The following FAM149B1 variants were observed in gnomAD, a reference collection of about 807,000 sequenced individuals.
FAM149B1 encodes family with sequence similarity 149 member B1.
A neutral mutation model predicts 75.3 loss-of-function variants in FAM149B1; 56 were observed. The ratio of observed to expected loss-of-function variants is 0.74; its 90% CI spans 0.60 to 0.93. The LOEUF (loss-of-function observed/expected upper bound fraction) is 0.93. FAM149B1 is among the 40% of genes least tolerant of loss of function. The pLI, the probability that FAM149B1 is intolerant of heterozygous loss-of-function variation, is 0.00. For synonymous variants in FAM149B1, 259 were observed against 256.1 expected, an observed-to-expected ratio of 1.01 and a Z score of -0.11; for missense variants, 639 against 708.4, an observed-to-expected ratio of 0.90 and a Z score of 1.11.
intron 1 of FAM149B1, among the ~76,000 whole-genome samples, chr10:73,173,705 C>A (rs938046741): frequency 1.3e-5 from 2 of 152,182 alleles, no homozygotes; most frequent in African/African-American, 4.8e-5. Flanking sequence ...ACATAGTCAA[C>A]ACAAAAATAG....
chr10:73,213,927 A>C (rs956694140), intron 7 of FAM149B1, among the ~76,000 whole-genome samples: 6 of 152,182 alleles, frequency 3.9e-5, no homozygotes, highest in African/African-American at 1.4e-4. Context: ...TCATTTTAAC[A>C]ATATGGATTC....
intron 2 of FAM149B1, among the ~76,000 whole-genome samples, chr10:73,177,285 T>C (rs575614302): frequency 4.5e-4 from 69 of 152,024 alleles, no homozygotes; most frequent in African/African-American, 1.6e-3. Flanking sequence ...GTCAAGAGTA[T>C]GTTATAGGCT....
intron 3 of FAM149B1, among the ~76,000 whole-genome samples, chr10:73,187,420 A>G (rs1214401340): frequency 6.6e-6 from 1 of 151,576 alleles, no homozygotes; most frequent in Admixed American, 6.6e-5. Context: ...AAAAAATTGA[A>G]ACAGAAATAG....
chr10:73,236,444 CGCTCTGTCACCTAGGGTGGA>C (rs1333893342), intron 12 of FAM149B1, among the ~76,000 whole-genome samples: 2 of 146,608 alleles, frequency 1.4e-5, no homozygotes, highest in Non-Finnish European at 3.0e-5. Flanking sequence ...GACGGAGTCT[CGCTCTGTCACCTAGGGTGGA>C]GTGTAATGGC....
chr10:73,174,840 G>T, intron 2 of FAM149B1, 49 bp downstream of exon 2: 1 of 1,327,300 alleles, frequency 7.5e-7, no homozygotes. Flanking sequence ...GCTCATGGCA[G>T]AGGTTTTGTT....
rs2271910 is a variant in FAM149B1, at chr10:73,235,328, C to T, written c.1602+10C>T. 125,737 of 1,551,382 alleles carry T rather than the reference C, an allele frequency of 0.081. 7,693 individuals carry two copies. Among genetic ancestry groups the T allele is most frequent in the East Asian group, 0.29 (11,773 of 40,892 alleles). ...AACTCAATCATTTTTGGTAGAGTGACGTACTTCCTAGAATGGTCTTGATAG... is the reference window on the plus strand; with the variant it reads ...AACTCAATCATTTTTGGTAGAGTGATGTACTTCCTAGAATGGTCTTGATAG... On this transcript the variant is annotated intron_variant, in intron 12 of 13. Transcript: ENST00000242505.
At chr10:73,233,581 C>G (rs541453999) in intron 10 of FAM149B1, among the ~76,000 whole-genome samples, 1 of 152,236 alleles carries the variant, frequency 6.6e-6, no homozygotes, top group South Asian at 2.1e-4. Flanking sequence ...TGAGCTCAAG[C>G]AATCTGCCTG....
chr10:73,228,013 G>A (rs1036338030), intron 7 of FAM149B1, 47 bp from the exon 8 acceptor site: 2 of 1,535,726 alleles, frequency 1.3e-6, no homozygotes, highest in South Asian at 1.2e-5. Context: ...CTGTTGCTGT[G>A]GGCCAGAAGA....
chr10:73,226,800 T>C (rs1437132499), intron 7 of FAM149B1, among the ~76,000 whole-genome samples: 1 of 149,378 alleles, frequency 6.7e-6, no homozygotes, highest in African/African-American at 2.5e-5. Flanking sequence ...AGTTTTGGCT[T>C]TGTCATGGAC....
At chr10:73,168,516 C>T (rs1389432765) in intron 1 of FAM149B1, 130 bp downstream of exon 1, 13 of 1,127,234 alleles carry the variant, frequency 1.2e-5, no homozygotes, top group Admixed American at 7.4e-5. Context: ...TCTCTCCTCT[C>T]AGCCCTGCTG....
intron 7 of FAM149B1, among the ~76,000 whole-genome samples, chr10:73,218,657 T>C (rs547339620): frequency 2.0e-5 from 3 of 152,302 alleles, no homozygotes; most frequent in South Asian, 2.1e-4. Flanking sequence ...CCTTAATCTC[T>C]TGAGAGAACC....
chr10:73,210,456 A>T lies in FAM149B1; in HGVS notation c.898+18A>T. The T allele has an allele frequency of 6.7e-7, 1 of 1,486,678 alleles. No homozygotes were observed. The highest frequency in any genetic ancestry group is 9.1e-7 in the Non-Finnish European group (1 of 1,097,882). The allele number at this position is 1,486,678 out of a possible 1,614,324, so 92.1% of individuals were successfully genotyped here. A position where few individuals can be genotyped will look rare whatever the true frequency, so the allele number is the denominator to read the frequency against. On this transcript the variant is annotated intron_variant, in intron 7 of 13. Transcript: ENST00000242505. ...TGCCTCTGGTAAGGATCTTTGTGAAAATAATGTAAAAATCAATTGTTTATG... is the reference window on the plus strand; with the variant it reads ...TGCCTCTGGTAAGGATCTTTGTGAATATAATGTAAAAATCAATTGTTTATG...
intron 12 of FAM149B1, among the ~76,000 whole-genome samples, chr10:73,237,523 G>A (rs956587216): frequency 2.6e-5 from 4 of 151,396 alleles, no homozygotes; most frequent in East Asian, 2.0e-4. Context: ...GGGTTCAATC[G>A]ATTCTCCTGC....
In FAM149B1 at chr10:73,243,877, T is replaced by G; in HGVS notation, c.*2858T>G. On this transcript the variant is annotated 3_prime_UTR_variant, in exon 14 of 14. Coordinates refer to ENST00000242505, the MANE Select transcript of FAM149B1 (RefSeq NM_173348.2). Reference sequence around the variant, plus strand: ...TGCCTTCAGGCTATCCACGCCTTCATCAAGCCCCAACTCCTTTCTGCTCAT... The same window carrying G: ...TGCCTTCAGGCTATCCACGCCTTCAGCAAGCCCCAACTCCTTTCTGCTCAT... 1 of 1,614,124 alleles carries G rather than the reference T, an allele frequency of 6.2e-7. No homozygotes were observed. The highest frequency in any genetic ancestry group is 8.5e-7 in the Non-Finnish European group (1 of 1,180,022).
At chr10:73,218,807 A>G (rs1317563539) in intron 7 of FAM149B1, among the ~76,000 whole-genome samples, 4 of 152,130 alleles carry the variant, frequency 2.6e-5, no homozygotes, top group African/African-American at 7.2e-5. Flanking sequence ...GAATTTTCAA[A>G]ATCATCAAGT....
At position 73,233,156 on chromosome 10, in the gene FAM149B1, G is replaced by A. The variant is rs147920257; in HGVS notation, c.1345G>A (p.Ala449Thr). The A allele has an allele frequency of 3.2e-6, 5 of 1,549,700 alleles. No homozygotes were observed. In the African/African-American group the frequency reaches 6.9e-5, roughly 21 times the overall value. Residue 449 changes from alanine to threonine, a missense_variant, in exon 10 of 14, where the codon GCC becomes ACC. Transcript: ENST00000242505. ...PRSVEEILRG[A>T]RVPVAPDSLS... ...ATCTGTGGAAGAAATCCTCAGAGGA[G>A]CCCGAGTGTAGGTTTCAAAAGCAGA...
chr10:73,213,164 C>T (rs2043225187), intron 7 of FAM149B1, among the ~76,000 whole-genome samples: 1 of 152,072 alleles, frequency 6.6e-6, no homozygotes, highest in East Asian at 1.9e-4. Flanking sequence ...ATTCTTTTTC[C>T]CCTTTTAAAT....
At chr10:73,188,775 A>AGGG (rs2042602070) in intron 3 of FAM149B1, among the ~76,000 whole-genome samples, 1 of 121,614 alleles carries the variant, frequency 8.2e-6, no homozygotes, top group African/African-American at 3.7e-5. Flanking sequence ...GGAAGGAAGG[A>AGGG]AGGAAGGAAG....
chr10:73,219,023 A>G (rs886901969), intron 7 of FAM149B1, among the ~76,000 whole-genome samples: 1 of 152,154 alleles, frequency 6.6e-6, no homozygotes, highest in Middle Eastern at 3.2e-3. Context: ...TCCAGTGGCC[A>G]ATAACATGTT....
Sources: gnomAD v4.1 joint callset for allele counts (sites outside exome capture counted in the v4.1 genomes callset) on GRCh38, gnomAD v4.1.1 for gene constraint, MANE v1.5 for transcripts, NCBI Gene and HGNC (gene_info 2026-07-23, HGNC 2026-07-21) for gene names.